Variants in HPSE2 observed in about 807,000 individuals in gnomAD.
The protein encoded by HPSE2 is heparanase 2 (inactive).
Under a neutral mutation model 60.5 loss-of-function variants are expected in HPSE2, and 38 were observed. The ratio of observed to expected loss-of-function variants is 0.63; its 90% CI spans 0.48 to 0.82. The LOEUF (loss-of-function observed/expected upper bound fraction) is 0.82. Ranked by LOEUF, HPSE2 falls within the 40% of genes least tolerant of loss-of-function variation. The pLI, the probability that HPSE2 is intolerant of heterozygous loss-of-function variation, is 0.00. For missense variants in HPSE2, 713 were observed against 740.4 expected, an observed-to-expected ratio of 0.96 and a Z score of 0.43; for synonymous variants, 295 against 293.2, an observed-to-expected ratio of 1.01 and a Z score of -0.06.
chr10:99,029,864 C>T (rs554778788), intron 3 of HPSE2, among the ~76,000 whole-genome samples: 45 of 152,276 alleles, frequency 3.0e-4, no homozygotes, highest in Non-Finnish European at 5.1e-4. Context: ...TAAACTCCCC[C>T]GGGGGAAAAG....
intron 3 of HPSE2, among the ~76,000 whole-genome samples, chr10:99,132,220 AGAGAG>A (rs1845456210): frequency 1.4e-4 from 5 of 35,488 alleles, no homozygotes; most frequent in African/African-American, 2.5e-4. Flanking sequence ...AGAGAGAGAG[AGAGAG>A]AGAGAGAGAG....
intron 3 of HPSE2, among the ~76,000 whole-genome samples, chr10:98,883,493 T>G (rs1284975193): frequency 6.6e-6 from 1 of 152,050 alleles, no homozygotes; most frequent in Non-Finnish European, 1.5e-5. Flanking sequence ...GGCTAGAAAC[T>G]TTTAGAGCTA....
intron 3 of HPSE2, among the ~76,000 whole-genome samples, chr10:98,747,279 TA>T (rs1949652813): frequency 6.6e-6 from 1 of 152,204 alleles, no homozygotes; most frequent in African/African-American, 2.4e-5. Flanking sequence ...ATTTATATAC[TA>T]AAATCCATAT....
chr10:98,980,032 T>G (rs534042339), intron 3 of HPSE2, among the ~76,000 whole-genome samples: 1 of 152,314 alleles, frequency 6.6e-6, no homozygotes. Context: ...CAGTAATTAT[T>G]ATTAAATGTA....
chr10:98,754,105 A>T (rs987588455), intron 3 of HPSE2, among the ~76,000 whole-genome samples: 1 of 152,164 alleles, frequency 6.6e-6, no homozygotes, highest in Non-Finnish European at 1.5e-5. Flanking sequence ...AAATCTAAAA[A>T]ATCCAATAAA....
intron 9 of HPSE2, among the ~76,000 whole-genome samples, chr10:98,549,399 T>G (rs987523207): frequency 6.6e-6 from 1 of 152,126 alleles, no homozygotes; most frequent in South Asian, 2.1e-4. Flanking sequence ...TCGTATTCAT[T>G]AAAGGTCCTC....
intron 3 of HPSE2, among the ~76,000 whole-genome samples, chr10:98,836,089 T>C (rs1951783553): frequency 6.6e-6 from 1 of 152,220 alleles, no homozygotes. Flanking sequence ...GGAAAGTAAT[T>C]TTGAAATCAG....
At position 98,779,968 on chromosome 10, in the gene HPSE2, C is replaced by T. The variant is rs575359161; in HGVS notation, c.611-35912G>A. On this transcript the variant is annotated intron_variant, in intron 3 of 11. Transcript: ENST00000370552. ...GAGAGCCACACATTAGTTACAAGCA[C>T]GGGGGTCTCTCATAATATATATTTT... Among the ~76,000 whole-genome samples, 10 of 152,084 alleles carry T rather than the reference C, an allele frequency of 6.6e-5. No homozygotes were observed. The East Asian group carries it at 1.3e-3, about 21-fold the overall frequency.
intron 2 of HPSE2, among the ~76,000 whole-genome samples, chr10:99,159,043 A>T (rs1846711138): frequency 6.6e-6 from 1 of 152,102 alleles, no homozygotes; most frequent in African/African-American, 2.4e-5. Context: ...ACACATCTAT[A>T]TTCTAAAAAA....
intron 2 of HPSE2, among the ~76,000 whole-genome samples, chr10:99,209,720 C>T (rs1317188801): frequency 6.6e-6 from 1 of 152,138 alleles, no homozygotes; most frequent in African/African-American, 2.4e-5. Context: ...GATGGAGTCT[C>T]GCTCTGTCAC....
At chr10:99,110,917 C>T (rs866594706) in intron 3 of HPSE2, among the ~76,000 whole-genome samples, 1 of 152,120 alleles carries the variant, frequency 6.6e-6, no homozygotes, top group East Asian at 1.9e-4. Flanking sequence ...GTCTATGATC[C>T]ATTTTAAGTG....
intron 3 of HPSE2, among the ~76,000 whole-genome samples, chr10:99,062,166 A>G (rs1842466214): frequency 6.6e-6 from 1 of 152,176 alleles, no homozygotes; most frequent in Non-Finnish European, 1.5e-5. Context: ...AACGAGATTA[A>G]ACTATGCATA....
chr10:99,298,069 G>C, the HPSE2 span, among the ~76,000 whole-genome samples: 3 of 152,348 alleles, frequency 2.0e-5, no homozygotes, highest in East Asian at 5.8e-4. Flanking sequence ...GCCTGACAGA[G>C]CTACCTACAG....
At chr10:98,533,100 T>G (rs1379352215) in intron 9 of HPSE2, among the ~76,000 whole-genome samples, 5 of 152,206 alleles carry the variant, frequency 3.3e-5, no homozygotes, top group African/African-American at 1.2e-4. Context: ...AATGCCAATG[T>G]TCTATGAGTC....
At chr10:98,635,750 C>G (rs1946480405) in intron 7 of HPSE2, among the ~76,000 whole-genome samples, 1 of 149,480 alleles carries the variant, frequency 6.7e-6, no homozygotes, top group African/African-American at 2.5e-5. Flanking sequence ...TTACTGCACT[C>G]CAGCCTAGGC....
chr10:99,181,261 A>G (rs1485860885), intron 2 of HPSE2, among the ~76,000 whole-genome samples: 1 of 148,600 alleles, frequency 6.7e-6, no homozygotes, highest in African/African-American at 2.5e-5. Flanking sequence ...AGCCGGGCGT[A>G]GTGGCGGGCG....
chr10:99,259,893 C>T, the HPSE2 span, among the ~76,000 whole-genome samples: 5,555 of 152,218 alleles, frequency 0.036, 309 homozygotes, highest in African/African-American at 0.11. Context: ...GCTGTGTACT[C>T]CTTATGAGAA....
intron 3 of HPSE2, among the ~76,000 whole-genome samples, chr10:98,800,754 G>A (rs540059965): frequency 6.6e-6 from 1 of 152,184 alleles, no homozygotes; most frequent in East Asian, 1.9e-4. Flanking sequence ...GTAAAGGAAA[G>A]GTCAGGACCT....
intron 6 of HPSE2, among the ~76,000 whole-genome samples, chr10:98,652,308 T>G (rs1279718383): frequency 6.6e-6 from 1 of 152,188 alleles, no homozygotes; most frequent in Non-Finnish European, 1.5e-5. Flanking sequence ...CATAGTGCAT[T>G]GGGGATCTTT....
Sources: gnomAD v4.1 joint callset for allele counts (sites outside exome capture counted in the v4.1 genomes callset) on GRCh38, gnomAD v4.1.1 for gene constraint, MANE v1.5 for transcripts, NCBI Gene and HGNC (gene_info 2026-07-23, HGNC 2026-07-21) for gene names.